Variants in KIF26B observed in about 807,000 individuals in gnomAD.
KIF26B encodes the protein kinesin-like protein KIF26B.
A neutral mutation model predicts 151.2 loss-of-function variants in KIF26B; 63 were observed. That is an observed-to-expected ratio of 0.42 (90% CI 0.34 to 0.51). KIF26B has a LOEUF of 0.51. Ranked by LOEUF, KIF26B falls within the 20% of genes least tolerant of loss-of-function variation. The pLI, the probability that KIF26B is intolerant of heterozygous loss-of-function variation, is 0.07. For missense variants in KIF26B, 2,813 were observed against 2,913.6 expected, an observed-to-expected ratio of 0.97 and a Z score of 0.79; for synonymous variants, 1,357 against 1,262.1, an observed-to-expected ratio of 1.08 and a Z score of -1.59.
intron 2 of KIF26B, among the ~76,000 whole-genome samples, chr1:245,282,521 G>T (rs7518874): frequency 1.3e-5 from 2 of 151,954 alleles, no homozygotes; most frequent in Non-Finnish European, 2.9e-5. Flanking sequence ...CCGCCCCCAC[G>T]TATCCCCAAG....
In KIF26B at chr1:245,595,438, G is replaced by A. The variant is rs565846292; in HGVS notation, c.1351-7139G>A. ...GAGATAATCGTGGTTTTTGTCATTC[G>A]TTCTGTTTATGTGATGGCTTACATT... On this transcript the variant is annotated intron_variant, in intron 5 of 14. Coordinates refer to ENST00000407071, the MANE Select transcript of KIF26B (RefSeq NM_018012.4). 4.9e-4 allele frequency among the ~76,000 whole-genome samples: 74 copies of A among 152,216 alleles called. 1 individual carries two copies. In the South Asian group the frequency reaches 0.013, roughly 27 times the overall value.
chr1:245,354,392 G>A (rs573696486), intron 2 of KIF26B, among the ~76,000 whole-genome samples: 1 of 152,164 alleles, frequency 6.6e-6, no homozygotes, highest in Non-Finnish European at 1.5e-5. Context: ...CCAATGACAG[G>A]CTCTGTGACC....
chr1:245,345,298 C>T (rs1672425834), intron 2 of KIF26B, among the ~76,000 whole-genome samples: 1 of 152,162 alleles, frequency 6.6e-6, no homozygotes. Context: ...ACCTCATCCC[C>T]TCCCTCCTTC....
intron 5 of KIF26B, among the ~76,000 whole-genome samples, chr1:245,551,884 G>A (rs777230973): frequency 7.9e-5 from 12 of 152,044 alleles, no homozygotes; most frequent in East Asian, 1.9e-4. Flanking sequence ...GTGTGCTTCC[G>A]TAACCCCCCA....
In KIF26B at chr1:245,219,127, C is replaced by CTTTTTTTT. The variant is rs1166578525; in HGVS notation, c.465+62466_465+62473dup. On this transcript the variant is annotated intron_variant, in intron 2 of 14. Coordinates refer to ENST00000407071, the MANE Select transcript of KIF26B (RefSeq NM_018012.4). Reference sequence around the variant, plus strand: ...CACAGGAGGTAGCAAATACCTACCTCTTTTTTTTTTTTTTTTTTTTTTTTT... The same window carrying CTTTTTTTT: ...CACAGGAGGTAGCAAATACCTACCTCTTTTTTTTTTTTTTTTTTTTTTTTTTTTTTTTT... 2.4e-3 allele frequency among the ~76,000 whole-genome samples: 133 copies of CTTTTTTTT among 56,194 alleles called. 19 individuals carry two copies. Among genetic ancestry groups the CTTTTTTTT allele is most frequent in the African/African-American group, 7.8e-3 (119 of 15,306 alleles). 36.9% of individuals were successfully genotyped at this position (56,194 alleles called of 152,430 possible). A position where few individuals can be genotyped will look rare whatever the true frequency, so the allele number is the denominator to read the frequency against.
At position 245,155,134 on chromosome 1, in the gene KIF26B, C is replaced by T. The variant is rs1411046091; in HGVS notation, c.-291C>T. Reference sequence around the variant, plus strand: ...GACTTGGCTGAAGAAAATGCCAGTTCTGTGGATGTGGCCGTGACAAGAGGA... The same window carrying T: ...GACTTGGCTGAAGAAAATGCCAGTTTTGTGGATGTGGCCGTGACAAGAGGA... On this transcript the variant is annotated 5_prime_UTR_variant, in exon 1 of 15. Transcript: ENST00000407071. The T allele has an allele frequency of 2.8e-5, 15 of 539,486 alleles. No homozygotes were observed. The highest frequency in any genetic ancestry group is 4.8e-5 in the Non-Finnish European group (15 of 312,500). The allele number at this position is 539,486 out of a possible 1,614,324, so 33.4% of individuals were successfully genotyped here. A position where few individuals can be genotyped will look rare whatever the true frequency, so the allele number is the denominator to read the frequency against.
intron 9 of KIF26B, among the ~76,000 whole-genome samples, chr1:245,618,289 G>T (rs1715783): frequency 0.74 from 111,742 of 152,000 alleles, 41,196 homozygotes; most frequent in East Asian, 0.89. Flanking sequence ...GACTATAGGT[G>T]CCTTGAGAAA....
At chr1:245,347,406 G>C (rs1430267876) in intron 2 of KIF26B, among the ~76,000 whole-genome samples, 1 of 151,914 alleles carries the variant, frequency 6.6e-6, no homozygotes, top group East Asian at 1.9e-4. Flanking sequence ...CTGTAGCCTT[G>C]AACTCCTGGG....
intron 3 of KIF26B, among the ~76,000 whole-genome samples, chr1:245,386,284 A>C (rs910331315): frequency 6.6e-6 from 1 of 151,594 alleles, no homozygotes; most frequent in Non-Finnish European, 1.5e-5. Flanking sequence ...AGCAATATTG[A>C]AATGTGCAGC....
chr1:245,520,053 A>G (rs1661055137), intron 4 of KIF26B, among the ~76,000 whole-genome samples: 1 of 151,898 alleles, frequency 6.6e-6, no homozygotes, highest in Non-Finnish European at 1.5e-5. Context: ...TTTGAAAAAT[A>G]TCTACATTTT....
intron 2 of KIF26B, among the ~76,000 whole-genome samples, chr1:245,246,138 G>A (rs1369865641): frequency 6.6e-6 from 1 of 151,132 alleles, no homozygotes; most frequent in Non-Finnish European, 1.5e-5. Context: ...GAGTAACTTT[G>A]TGTGGCTTTC....
At chr1:245,344,861 G>A (rs1005302449) in intron 2 of KIF26B, among the ~76,000 whole-genome samples, 1 of 151,816 alleles carries the variant, frequency 6.6e-6, no homozygotes. Flanking sequence ...TACATTTTTC[G>A]GACTGATCTA....
At chr1:245,500,106 A>G (rs969231972) in intron 4 of KIF26B, among the ~76,000 whole-genome samples, 12 of 152,318 alleles carry the variant, frequency 7.9e-5, no homozygotes, top group Admixed American at 2.6e-4. Flanking sequence ...TTACATATTC[A>G]TTGTCTAAGC....
chr1:245,254,062 G>A (rs555486029), intron 2 of KIF26B, among the ~76,000 whole-genome samples: 26 of 152,050 alleles, frequency 1.7e-4, no homozygotes, highest in East Asian at 5.8e-4. Flanking sequence ...TGCCCGCCTC[G>A]GCCTCCCAAA....
chr1:245,557,868 A>G (rs183720945), intron 5 of KIF26B, among the ~76,000 whole-genome samples: 2 of 151,716 alleles, frequency 1.3e-5, no homozygotes, highest in Non-Finnish European at 3.0e-5. Flanking sequence ...TCCAAGCTCA[A>G]ATAGGCAGAG....
At chr1:245,453,520 G>T (rs1192415305) in intron 4 of KIF26B, among the ~76,000 whole-genome samples, 2 of 152,130 alleles carry the variant, frequency 1.3e-5, no homozygotes, top group Admixed American at 6.5e-5. Flanking sequence ...TGGGGTAAAG[G>T]CTCCTAATTT....
intron 9 of KIF26B, among the ~76,000 whole-genome samples, chr1:245,639,990 T>C (rs1250122302): frequency 6.6e-6 from 1 of 150,996 alleles, no homozygotes; most frequent in African/African-American, 2.4e-5. Context: ...GTCTAGAGTA[T>C]AGTTTAATTC....
intron 2 of KIF26B, among the ~76,000 whole-genome samples, chr1:245,267,634 G>GCGCACACA (rs1670770301): frequency 7.3e-6 from 1 of 136,234 alleles, no homozygotes; most frequent in Non-Finnish European, 1.6e-5. Flanking sequence ...GCTAAGTAAT[G>GCGCACACA]CACACACACA....
intron 3 of KIF26B, among the ~76,000 whole-genome samples, chr1:245,379,856 A>G (rs1673363776): frequency 6.6e-6 from 1 of 151,892 alleles, no homozygotes; most frequent in South Asian, 2.1e-4. Context: ...CTGTAATCCC[A>G]GCTCCTCAGG....
Sources: gnomAD v4.1 joint callset for allele counts (sites outside exome capture counted in the v4.1 genomes callset) on GRCh38, gnomAD v4.1.1 for gene constraint, MANE v1.5 for transcripts, NCBI Gene and HGNC (gene_info 2026-07-23, HGNC 2026-07-21) for gene names.